The following CADM2 variants were observed in gnomAD, a reference collection of about 807,000 sequenced individuals.
CADM2 encodes cell adhesion molecule 2.
CADM2 carries 12 observed loss-of-function variants against 49.8 expected under a neutral mutation model. That is an observed-to-expected ratio of 0.24 (90% CI 0.15 to 0.39). CADM2 has a LOEUF of 0.39. Among genes scored for constraint, CADM2 ranks in the 10% least tolerant of loss-of-function variants. The probability of loss-of-function intolerance (pLI) is 1.00; values close to 1 mark genes in which losing one functional copy is unlikely to be tolerated. For missense variants in CADM2, 378 were observed against 492.3 expected, an observed-to-expected ratio of 0.77 and a Z score of 2.20; for synonymous variants, 214 against 175.4, an observed-to-expected ratio of 1.22 and a Z score of -1.74.
chr3:85,248,265 A>G (rs1210504124), intron 1 of CADM2, among the ~76,000 whole-genome samples: 3 of 151,778 alleles, frequency 2.0e-5, no homozygotes, highest in East Asian at 1.9e-4. Context: ...TCACATTTCT[A>G]TTTATTTATT....
chr3:85,426,284 G>A (rs1411257576), intron 1 of CADM2, among the ~76,000 whole-genome samples: 2 of 151,896 alleles, frequency 1.3e-5, no homozygotes, highest in Non-Finnish European at 2.9e-5. Flanking sequence ...CGAGAACACA[G>A]ATGTGCACCA....
intron 1 of CADM2, among the ~76,000 whole-genome samples, chr3:85,682,514 C>CTCA (rs2066068884): frequency 6.6e-6 from 1 of 151,964 alleles, no homozygotes; most frequent in Non-Finnish European, 1.5e-5. Flanking sequence ...TTCAGTGGTA[C>CTCA]GTGAAGGTGT....
At chr3:85,857,643 T>C (rs2075367496) in intron 3 of CADM2, among the ~76,000 whole-genome samples, 1 of 152,110 alleles carries the variant, frequency 6.6e-6, no homozygotes, top group African/African-American at 2.4e-5. Flanking sequence ...GTAGGTGTTC[T>C]TGGTTCATTT....
intron 2 of CADM2, among the ~76,000 whole-genome samples, chr3:85,743,963 A>G (rs867848818): frequency 1.3e-5 from 2 of 152,142 alleles, no homozygotes; most frequent in African/African-American, 4.8e-5. Context: ...CTTCTGTTCA[A>G]TGGTGTATAC....
chr3:85,769,489 A>ATATATACATATATGTAATATATACACG (rs2069915120), intron 2 of CADM2, among the ~76,000 whole-genome samples: 2 of 55,378 alleles, frequency 3.6e-5, no homozygotes, highest in Non-Finnish European at 5.8e-5. Context: ...ACGTATATAC[A>ATATATACATATATGTAATATATACACG]TATATACATA....
At chr3:86,059,299 C>A (rs893845794) in intron 8 of CADM2, among the ~76,000 whole-genome samples, 1 of 152,022 alleles carries the variant, frequency 6.6e-6, no homozygotes, top group African/African-American at 2.4e-5. Context: ...TGTAGGATTT[C>A]TCCATATTAA....
At chr3:85,894,178 T>C (rs536021211) in intron 5 of CADM2, among the ~76,000 whole-genome samples, 37 of 150,954 alleles carry the variant, frequency 2.5e-4, no homozygotes, top group Non-Finnish European at 4.7e-4. Flanking sequence ...TAAAAAATGA[T>C]GAGTTCATGT....
intron 1 of CADM2, among the ~76,000 whole-genome samples, chr3:85,190,996 C>T (rs2041194649): frequency 6.6e-6 from 1 of 151,808 alleles, no homozygotes; most frequent in Non-Finnish European, 1.5e-5. Context: ...TTTTTTATTT[C>T]AGTATTTTAT....
chr3:85,945,404 G>A (rs1007457234), intron 7 of CADM2, among the ~76,000 whole-genome samples: 8 of 152,226 alleles, frequency 5.3e-5, no homozygotes, highest in African/African-American at 9.6e-5. Flanking sequence ...TAGAAAAAGA[G>A]GGAATCCTCC....
At chr3:85,933,094 A>G (rs1047177342) in intron 6 of CADM2, among the ~76,000 whole-genome samples, 15 of 152,190 alleles carry the variant, frequency 9.9e-5, no homozygotes, top group Admixed American at 4.6e-4. Flanking sequence ...GCCTGCCACT[A>G]TGTAATTTAC....
At chr3:85,454,491 T>C (rs1304988023) in intron 1 of CADM2, among the ~76,000 whole-genome samples, 1 of 152,106 alleles carries the variant, frequency 6.6e-6, no homozygotes, top group Non-Finnish European at 1.5e-5. Context: ...AATCGAAAGC[T>C]ATTACCACTC....
intron 1 of CADM2, among the ~76,000 whole-genome samples, chr3:85,680,880 G>A (rs1184992475): frequency 6.6e-6 from 1 of 152,126 alleles, no homozygotes; most frequent in Non-Finnish European, 1.5e-5. Context: ...TTGCCACCTA[G>A]GGGATAAAGT....
intron 8 of CADM2, among the ~76,000 whole-genome samples, chr3:85,988,989 T>A (rs766070701): frequency 6.6e-6 from 1 of 152,224 alleles, no homozygotes; most frequent in Non-Finnish European, 1.5e-5. Flanking sequence ...AAGCGGGTTC[T>A]ATAATGAAGG....
chr3:84,964,623 CTGAAGTCAAAAGCCCTT>C (rs908798661), intron 1 of CADM2, among the ~76,000 whole-genome samples: 3 of 152,150 alleles, frequency 2.0e-5, no homozygotes, highest in Admixed American at 6.6e-5. Flanking sequence ...CGACTCAAAA[CTGAAGTCAAAAGCCCTT>C]TGTTGAATTG....
intron 8 of CADM2, among the ~76,000 whole-genome samples, chr3:86,021,744 T>C (rs1733211583): frequency 6.6e-6 from 1 of 152,210 alleles, no homozygotes; most frequent in African/African-American, 2.4e-5. Context: ...TACCACAAAA[T>C]GATCTCACTT....
At chr3:85,605,004 A>G (rs185015347) in intron 1 of CADM2, among the ~76,000 whole-genome samples, 14 of 152,206 alleles carry the variant, frequency 9.2e-5, no homozygotes, top group Non-Finnish European at 1.9e-4. Context: ...GACAAATACT[A>G]CATCATCAGT....
intron 1 of CADM2, among the ~76,000 whole-genome samples, chr3:85,506,642 C>G (rs527765237): frequency 6.6e-6 from 1 of 152,072 alleles, no homozygotes; most frequent in Admixed American, 6.6e-5. Context: ...CAAGTAGATC[C>G]TCCTGCGTTA....
intron 4 of CADM2, among the ~76,000 whole-genome samples, chr3:85,885,948 T>A (rs1002511845): frequency 1.3e-5 from 2 of 151,898 alleles, no homozygotes; most frequent in Non-Finnish European, 2.9e-5. Context: ...TATTTATATA[T>A]CTGTACACAT....
intron 1 of CADM2, among the ~76,000 whole-genome samples, chr3:85,002,978 A>G (rs1214250373): frequency 6.6e-6 from 1 of 151,946 alleles, no homozygotes; most frequent in Non-Finnish European, 1.5e-5. Flanking sequence ...TTTTCATAAT[A>G]GAGATGGGGG....
Sources: gnomAD v4.1 joint callset for allele counts (sites outside exome capture counted in the v4.1 genomes callset) on GRCh38, gnomAD v4.1.1 for gene constraint, MANE v1.5 for transcripts, NCBI Gene and HGNC (gene_info 2026-07-23, HGNC 2026-07-21) for gene names.